The following CSN1S1 variants were observed in gnomAD, a reference collection of about 807,000 sequenced individuals.
The protein encoded by CSN1S1 is alpha-S1-casein.
CSN1S1 carries 63 observed loss-of-function variants against 49.1 expected under a neutral mutation model. The ratio of observed to expected loss-of-function variants is 1.28; its 90% confidence interval spans 1.05 to 1.58. The LOEUF (loss-of-function observed/expected upper bound fraction) is 1.58, where lower values mean the gene tolerates loss of function less well. CSN1S1 is among the 40% of genes most tolerant of loss of function. The pLI is 0.00. For missense variants in CSN1S1, 260 were observed against 224.7 expected, an observed-to-expected ratio of 1.16 and a Z score of -1.01; for synonymous variants, 78 against 67.1, an observed-to-expected ratio of 1.16 and a Z score of -0.79.
intron 3 of CSN1S1, 116 bp downstream of exon 3, chr4:69,934,360 C>A: frequency 9.8e-7 from 1 of 1,020,418 alleles, no homozygotes; most frequent in Non-Finnish European, 1.5e-6. Flanking sequence ...CGCATCATTT[C>A]TTTAGTTCAA....
chr4:69,938,284 C>A (rs1722864096), intron 9 of CSN1S1, among the ~76,000 whole-genome samples: 1 of 151,596 alleles, frequency 6.6e-6, no homozygotes, highest in Non-Finnish European at 1.5e-5. Context: ...GAGCATACTA[C>A]CCAACAGGTA....
chr4:69,934,729 G>A lies in CSN1S1; in HGVS notation c.105+19G>A. The stretch of plus-strand genomic sequence containing the variant: ...CAGTGAGGTAAGCTCTGTTTATGGG[G>A]AGTCAGGATTCTCTCTTCCTTTTGC... On this transcript the variant is annotated intron_variant, in intron 4 of 15. Transcript: ENST00000246891. 1.2e-6 allele frequency: 2 copies of A among 1,605,080 alleles called. No homozygotes were observed. The highest frequency in any genetic ancestry group is 1.7e-6 in the Non-Finnish European group (2 of 1,173,232).
chr4:69,940,972 G>T, intron 11 of CSN1S1, 47 bp from the exon 12 acceptor site: 1 of 972,832 alleles, frequency 1.0e-6, no homozygotes, highest in South Asian at 1.5e-5. Flanking sequence ...GATGGGGTTG[G>T]ACTGAATGAC....
intron 8 of CSN1S1, among the ~76,000 whole-genome samples, 193 bp downstream of exon 8, chr4:69,937,337 G>C (rs1056833332): frequency 5.4e-5 from 8 of 149,064 alleles, no homozygotes; most frequent in Admixed American, 1.4e-4. Context: ...AAATTCTATG[G>C]ATAATGTCAC....
chr4:69,937,457 A>G (rs1192572836), intron 8 of CSN1S1, among the ~76,000 whole-genome samples: 1 of 150,330 alleles, frequency 6.7e-6, no homozygotes, highest in African/African-American at 2.4e-5. Flanking sequence ...CCTTTAGTCC[A>G]GTTGTATTTA....
intron 13 of CSN1S1, 65 bp from the exon 14 acceptor site, chr4:69,942,471 T>G (rs1449679791): frequency 7.4e-6 from 9 of 1,210,412 alleles, no homozygotes; most frequent in Non-Finnish European, 1.1e-5. Flanking sequence ...TCTGGTGCAA[T>G]GTAAGATAAA....
rs1308552176 is a variant in CSN1S1, at chr4:69,942,568, T to C, written c.393T>C (p.His131=). Residue 131 remains histidine, a synonymous_variant, in exon 14 of 16, where the codon CAT becomes CAC. Transcript: ENST00000246891. The stretch of plus-strand genomic sequence containing the variant: ...TTCGCAGAATGAATGAAAACAGCCA[T>C]GTCCAAGTGGTAATATTTTGCTTAA... ...EQIRRMNENS[H]VQVPFQQLNQ... 6.3e-7 allele frequency: 1 copy of C among 1,586,408 alleles called. No homozygotes were observed. The highest frequency in any genetic ancestry group is 1.3e-5 in the African/African-American group (1 of 74,442).
intron 14 of CSN1S1, among the ~76,000 whole-genome samples, chr4:69,944,582 G>A (rs1723090354): frequency 6.6e-6 from 1 of 151,748 alleles, no homozygotes; most frequent in Non-Finnish European, 1.5e-5. Context: ...TGAGTAATGT[G>A]GGTTCTTGGA....
intron 1 of CSN1S1, 125 bp from the exon 2 acceptor site, chr4:69,932,419 A>G: frequency 1.4e-6 from 1 of 696,978 alleles, no homozygotes; most frequent in Non-Finnish European, 2.5e-6. Flanking sequence ...AATTCACATT[A>G]CAGCTCCTCA....
chr4:69,939,834 A>G (rs1353965244), intron 10 of CSN1S1, among the ~76,000 whole-genome samples, 187 bp from the exon 11 acceptor site: 1 of 151,764 alleles, frequency 6.6e-6, no homozygotes, highest in Non-Finnish European at 1.5e-5. Flanking sequence ...AGCAGTGAGA[A>G]AAGGAAAAGC....
Position 69,946,277 on chromosome 4 carries a change from T to C in CSN1S1, c.*81T>C, listed in dbSNP as rs1042765869. ...TGAAGACTGGACTGTTGTTTTAGAA[T>C]AGTAAAATCCCATATTGAAGGAAAT... On this transcript the variant is annotated 3_prime_UTR_variant, in exon 16 of 16. Coordinates refer to ENST00000246891, the MANE Select transcript of CSN1S1 (RefSeq NM_001890.2). The C allele has an allele frequency of 1.2e-5, 5 of 424,452 alleles. No individual in the cohort carries two copies. Among genetic ancestry groups the C allele is most frequent in the African/African-American group, 2.0e-5 (1 of 49,158 alleles). 26.3% of individuals were successfully genotyped at this position (424,452 alleles called of 1,614,324 possible).
Position 69,933,831 on chromosome 4 carries a change from A to G in CSN1S1, c.52-381A>G, listed in dbSNP as rs116053095. On this transcript the variant is annotated intron_variant, in intron 2 of 15. Transcript: ENST00000246891. ...TTATATTTTGCCCAACATTTTTTATACTAGTTTAAAATCATCTTTAGAACT... is the reference window on the plus strand; with the variant it reads ...TTATATTTTGCCCAACATTTTTTATGCTAGTTTAAAATCATCTTTAGAACT... Among the ~76,000 whole-genome samples the G allele has an allele frequency of 5.6e-3, 858 of 152,116 alleles. 11 individuals are homozygous for G. The highest frequency in any genetic ancestry group is 0.02 in the African/African-American group (821 of 41,550).
chr4:69,939,498 T>C lies in CSN1S1; in HGVS notation c.276+290T>C, dbSNP rs150737538. The stretch of plus-strand genomic sequence containing the variant: ...TGTCCTTCGCAGATTTTGTTAAAAC[T>C]CAATCTTATCATTAAAAATTCTAAC... On this transcript the variant is annotated intron_variant, in intron 10 of 15. Coordinates refer to ENST00000246891, the MANE Select transcript of CSN1S1 (RefSeq NM_001890.2). Among the ~76,000 whole-genome samples the C allele has an allele frequency of 4.2e-3, 636 of 151,910 alleles. 4 individuals carry two copies. Among genetic ancestry groups the C allele is most frequent in the Non-Finnish European group, 6.0e-3 (410 of 67,776 alleles).
chr4:69,934,216 T>A lies in CSN1S1; in HGVS notation c.56T>A (p.Leu19His). ...LVAVALARPK[L>H]PLRYPERLQN... is the part of the protein sequence containing the mutation. ...TTCTTGCATTGTTTTTCACAGAAACTTCCTCTTAGATACCCAGAACGCCTT... is the reference window on the plus strand; with the variant it reads ...TTCTTGCATTGTTTTTCACAGAAACATCCTCTTAGATACCCAGAACGCCTT... The change falls in exon 3 of 16, where the codon CTT (leucine) becomes CAT (histidine). Residue 19 changes from leucine to histidine, a missense_variant. Physicochemically the swap from Leu to His is moderately conservative, Grantham distance 99. Transcript: ENST00000246891. 6.2e-7 allele frequency: 1 copy of A among 1,610,238 alleles called. No homozygotes were observed. The highest frequency in any genetic ancestry group is 8.5e-7 in the Non-Finnish European group (1 of 1,177,596).
chr4:69,941,036 G>T lies in CSN1S1; in HGVS notation c.318G>T (p.Leu106=). ...TTAAATAGGAACAGTTTTGTAGACT[G>T]AACGAATACAACCAACTTCAGCTGG... ...LSKCAEQFCR[L]NEYNQLQLQA... is the part of the protein sequence containing the mutation. The change falls in exon 12 of 16, where the codon CTG becomes CTT. Residue 106 remains leucine, a synonymous_variant. Transcript: ENST00000246891. 1 of 1,517,096 alleles carries T rather than the reference G, an allele frequency of 6.6e-7. No individual in the cohort carries two copies. The highest frequency in any genetic ancestry group is 1.2e-5 in the South Asian group (1 of 82,470). The allele number at this position is 1,517,096 out of a possible 1,614,324, so 94.0% of individuals were successfully genotyped here.
In CSN1S1 at chr4:69,944,928, T is replaced by C; in HGVS notation, c.481T>C (p.Phe161Leu). 1 of 1,613,024 alleles carries C rather than the reference T, an allele frequency of 6.2e-7. No homozygotes were observed. Among genetic ancestry groups the C allele is most frequent in the African/African-American group, 1.3e-5 (1 of 74,946 alleles). The change falls in exon 15 of 16, where the codon TTC becomes CTC. Residue 161 changes from phenylalanine (F) to leucine (L), a missense_variant. Coordinates refer to ENST00000246891, the MANE Select transcript of CSN1S1 (RefSeq NM_001890.2). ...YYPQIMQYVP[F>L]PPFSDISNPT... is the part of the protein sequence containing the mutation. ...TCCACAAATCATGCAGTATGTTCCT[T>C]TCCCACCGTTTTCCGACATCTCCAA...
At chr4:69,945,054 A>G in intron 15 of CSN1S1, 50 bp downstream of exon 15, 1 of 1,588,034 alleles carries the variant, frequency 6.3e-7, no homozygotes, top group African/African-American at 1.3e-5. Context: ...AAGGAATGAA[A>G]TAGAATAGCT....
At chr4:69,936,674 C>T in intron 7 of CSN1S1, 67 bp downstream of exon 7, 1 of 1,447,016 alleles carries the variant, frequency 6.9e-7, no homozygotes. Flanking sequence ...AAAAGTTTTC[C>T]TTTAGGAAAA....
At chr4:69,945,143 A>C (rs1476143802) in intron 15 of CSN1S1, 139 bp downstream of exon 15, 3 of 877,566 alleles carry the variant, frequency 3.4e-6, no homozygotes, top group Non-Finnish European at 5.1e-6. Context: ...TATGTTCTGA[A>C]ATGGAAAATT....
Sources: allele counts gnomAD v4.1 joint callset (sites outside exome capture counted in the v4.1 genomes callset), GRCh38; gene constraint gnomAD v4.1.1; transcripts MANE v1.5; gene names NCBI Gene and HGNC (gene_info 2026-07-23, HGNC 2026-07-21).